The following CFAP36 variants were observed in gnomAD, a reference collection of about 807,000 sequenced individuals.
CFAP36 encodes cilia- and flagella-associated protein 36.
CFAP36 carries 37 observed loss-of-function variants against 50.5 expected under a neutral mutation model. The ratio of observed to expected loss-of-function variants is 0.73; its 90% CI spans 0.56 to 0.96. The LOEUF is 0.96. Ranked by LOEUF, CFAP36 falls within the 50% of genes least tolerant of loss-of-function variation. The pLI, the probability that CFAP36 is intolerant of heterozygous loss-of-function variation, is 0.00. For synonymous variants in CFAP36, 138 were observed against 128.2 expected, an observed-to-expected ratio of 1.08 and a Z score of -0.52; for missense variants, 407 against 396.2, an observed-to-expected ratio of 1.03 and a Z score of -0.23.
At chr2:55,528,144 C>T (rs765816599) in intron 3 of CFAP36, among the ~76,000 whole-genome samples, 22 of 151,110 alleles carry the variant, frequency 1.5e-4, no homozygotes, top group South Asian at 4.2e-4. Context: ...TAAGCCACTG[C>T]GCCTGGCCAC....
At chr2:55,535,201 A>T (rs1235317995) in intron 5 of CFAP36, among the ~76,000 whole-genome samples, 2 of 152,178 alleles carry the variant, frequency 1.3e-5, no homozygotes, top group Non-Finnish European at 2.9e-5. Context: ...ATAACAGTTG[A>T]CCTTGGTTAC....
At chr2:55,524,422 ATTTTT>A (rs57908457) in intron 3 of CFAP36, among the ~76,000 whole-genome samples, 52 of 99,368 alleles carry the variant, frequency 5.2e-4, no homozygotes, top group Non-Finnish European at 6.0e-4. Context: ...CACATGGCTA[ATTTTT>A]TTTTTTTTTT....
chr2:55,538,926 AATGT>A, intron 7 of CFAP36: 1 of 1,432,972 alleles, frequency 7.0e-7, no homozygotes, highest in Non-Finnish European at 9.2e-7. Flanking sequence ...TTAATTTTTT[AATGT>A]AAGTTGGAGA....
At position 55,545,001 on chromosome 2, in the gene CFAP36, ATAAG is replaced by A. The variant is rs772444155; in HGVS notation, c.1026_1029del (p.Lys342AsnfsTer3). The A allele has an allele frequency of 7.4e-5, 114 of 1,538,124 alleles. No individual in the cohort carries two copies. The Middle Eastern group carries it at 9.1e-4, about 12-fold the overall frequency. ...GAGAAACTCAAAGAAGAAGTTATTA[ATAAG>A]TAATAATTAAGAACAATTTAACAAA... On this transcript the variant is annotated frameshift_variant, in exon 10 of 10. Transcript: ENST00000349456. LOFTEE classifies it high-confidence loss of function.
intron 4 of CFAP36, among the ~76,000 whole-genome samples, chr2:55,533,196 G>A (rs1224300134): frequency 2.0e-5 from 3 of 152,146 alleles, no homozygotes; most frequent in Non-Finnish European, 4.4e-5. Context: ...ACCTTTGAGA[G>A]CAGTTTCATT....
At chr2:55,525,293 A>T (rs79840198) in intron 3 of CFAP36, among the ~76,000 whole-genome samples, 4 of 152,138 alleles carry the variant, frequency 2.6e-5, no homozygotes, top group Admixed American at 2.0e-4. Context: ...CTTTAAAAAA[A>T]ATATAAAAGT....
intron 1 of CFAP36, 34 bp downstream of exon 1, chr2:55,519,950 C>T: frequency 6.3e-7 from 1 of 1,596,244 alleles, no homozygotes; most frequent in Non-Finnish European, 8.6e-7. Context: ...CAATCCTTTT[C>T]TCCTCTCTCA....
intron 7 of CFAP36, among the ~76,000 whole-genome samples, chr2:55,542,240 C>A (rs1420739120): frequency 6.6e-6 from 1 of 152,158 alleles, no homozygotes; most frequent in Non-Finnish European, 1.5e-5. Context: ...AACTTGATCT[C>A]AAACCACATA....
At chr2:55,543,674 ATAG>A (rs1478181993) in intron 7 of CFAP36, among the ~76,000 whole-genome samples, 2 of 152,160 alleles carry the variant, frequency 1.3e-5, no homozygotes, top group African/African-American at 4.8e-5. Flanking sequence ...TTTTGTAGCT[ATAG>A]TACTGTACAA....
At position 55,519,853 on chromosome 2, in the gene CFAP36, G is replaced by T; in HGVS notation, c.52G>T (p.Gly18Trp). ...EVEWVVESIAGFLRGPDWSIP... is the reference protein window; with the variant it reads ...EVEWVVESIAWFLRGPDWSIP... ...GGAGTGGGTAGTGGAGAGCATCGCG[G>T]GGTTCCTGCGAGGCCCAGACTGGTC... The change falls in exon 1 of 10, where the codon GGG becomes TGG. Residue 18 changes from glycine to tryptophan, a missense_variant. Physicochemically the swap from Gly to Trp is radical, Grantham distance 184. Transcript: ENST00000349456. 1 of 1,614,248 alleles carries T rather than the reference G, an allele frequency of 6.2e-7. No homozygotes were observed. Among genetic ancestry groups the T allele is most frequent in the Non-Finnish European group, 8.5e-7 (1 of 1,180,036 alleles).
In CFAP36 at chr2:55,523,803, C is replaced by A; in HGVS notation, c.263C>A (p.Ala88Glu). Residue 88 changes from alanine (A) to glutamate (E), a missense_variant, in exon 3 of 10, where the codon GCA becomes GAA. Transcript: ENST00000349456. ...CAAGAAGCATGCACTTCTCCTCTTG[C>A]AAAGACCCATACATCACAGGTTTTT... The part of the protein sequence containing the change: ...QFQEACTSPL[A>E]KTHTSQAILQ... 6.2e-7 allele frequency: 1 copy of A among 1,607,694 alleles called. No individual in the cohort carries two copies. The highest frequency in any genetic ancestry group is 8.5e-7 in the Non-Finnish European group (1 of 1,175,936).
At chr2:55,535,579 C>A in intron 5 of CFAP36, 133 bp from the exon 6 acceptor site, 1 of 662,842 alleles carries the variant, frequency 1.5e-6, no homozygotes, top group Non-Finnish European at 2.4e-6. Flanking sequence ...TAGAGCAAGG[C>A]TTGATTATCT....
At chr2:55,535,816 G>A in intron 6 of CFAP36, 53 bp downstream of exon 6, 1 of 1,527,218 alleles carries the variant, frequency 6.5e-7, no homozygotes, top group South Asian at 1.3e-5. Flanking sequence ...CTCTTATTAA[G>A]TTTACACCTA....
intron 5 of CFAP36, 32 bp from the exon 6 acceptor site, chr2:55,535,680 T>A: frequency 6.8e-7 from 1 of 1,477,844 alleles, no homozygotes; most frequent in Non-Finnish European, 9.0e-7. Flanking sequence ...AAAAGGAAAT[T>A]TATCTTTTTA....
At chr2:55,526,265 G>A (rs1430391209) in intron 3 of CFAP36, among the ~76,000 whole-genome samples, 1 of 152,192 alleles carries the variant, frequency 6.6e-6, no homozygotes, top group Admixed American at 6.5e-5. Flanking sequence ...GTAGAACAGA[G>A]ATGAAAACTT....
At chr2:55,525,621 T>G (rs974020357) in intron 3 of CFAP36, among the ~76,000 whole-genome samples, 28 of 144,256 alleles carry the variant, frequency 1.9e-4, no homozygotes, top group African/African-American at 7.0e-4. Flanking sequence ...CCATTCCAGG[T>G]AACTTGCTCT....
At chr2:55,541,424 G>A (rs897666752) in intron 7 of CFAP36, among the ~76,000 whole-genome samples, 2 of 152,120 alleles carry the variant, frequency 1.3e-5, no homozygotes, top group African/African-American at 2.4e-5. Context: ...TAGATCTTGT[G>A]CATATTTTGT....
At chr2:55,541,938 A>T (rs1462085823) in intron 7 of CFAP36, among the ~76,000 whole-genome samples, 1 of 152,218 alleles carries the variant, frequency 6.6e-6, no homozygotes, top group African/African-American at 2.4e-5. Flanking sequence ...TATTTGACAG[A>T]AAAACAGGAG....
chr2:55,533,708 A>AT (rs60588706), intron 4 of CFAP36, among the ~76,000 whole-genome samples, 165 bp from the exon 5 acceptor site: 4,053 of 138,782 alleles, frequency 0.029, 68 homozygotes, highest in East Asian at 0.044. Flanking sequence ...AAAAAAAAAA[A>AT]ATATATATAT....
Sources: gnomAD v4.1 joint callset for allele counts (sites outside exome capture counted in the v4.1 genomes callset) on GRCh38, gnomAD v4.1.1 for gene constraint, MANE v1.5 for transcripts, NCBI Gene and HGNC (gene_info 2026-07-23, HGNC 2026-07-21) for gene names.